The following CYP26B1 variants were observed in gnomAD, a reference collection of about 807,000 sequenced individuals.
CYP26B1 encodes the protein cytochrome P450 family 26 subfamily B member 1.
A neutral mutation model predicts 39.1 loss-of-function variants in CYP26B1; 8 were observed. The observed-to-expected ratio is 0.20, with a 90% CI of 0.12 to 0.37. The LOEUF (loss-of-function observed/expected upper bound fraction) is 0.37, where lower values mean the gene tolerates loss of function less well. Among genes scored for constraint, CYP26B1 ranks in the 10% least tolerant of loss-of-function variants. The pLI is 1.00. For synonymous variants in CYP26B1, 321 were observed against 314.3 expected, an observed-to-expected ratio of 1.02 and a Z score of -0.23; for missense variants, 615 against 707.0, an observed-to-expected ratio of 0.87 and a Z score of 1.48.
chr2:72,144,433 G>A lies in CYP26B1; in HGVS notation c.205-220C>T, dbSNP rs1307469953. ...AATAATGCAAGGAGGCGGAGGCCCA[G>A]GGGCACCCCCAGGAGGCTGTTTTTT... On this transcript the variant is annotated intron_variant, in intron 1 of 5. Coordinates refer to ENST00000001146, the MANE Select transcript of CYP26B1 (RefSeq NM_019885.4). 2.2e-6 allele frequency: 3 copies of A among 1,354,706 alleles called. No homozygotes were observed. In the East Asian group the frequency reaches 8.1e-5, roughly 37 times the overall value. The allele number at this position is 1,354,706 out of a possible 1,614,324, so 83.9% of individuals were successfully genotyped here.
Position 72,135,258 on chromosome 2 carries a change from C to T in CYP26B1, c.591G>A (p.Leu197=). ...KLTFRMAIRV[L]LGFSIPEEDL... is the part of the protein sequence containing the mutation. ...CCTCCTCAGGGATGCTGAAGCCCAG[C>T]AGCACCCGGATGGCCATGCGGAAGG... The change falls in exon 3 of 6, where the codon CTG becomes CTA. Residue 197 remains leucine, a synonymous_variant. Coordinates refer to ENST00000001146, the MANE Select transcript of CYP26B1 (RefSeq NM_019885.4). The T allele has an allele frequency of 2.5e-6, 4 of 1,614,130 alleles. No individual in the cohort carries two copies. The highest frequency in any genetic ancestry group is 3.4e-6 in the Non-Finnish European group (4 of 1,180,040).
chr2:72,133,243 A>G lies in CYP26B1; in HGVS notation c.926T>C (p.Ile309Thr). Residue 309 changes from isoleucine (I) to threonine (T), a missense_variant, in exon 5 of 6, where the codon ATC becomes ACC. Transcript: ENST00000001146. ...ATTASASTSLIMQLLKHPTVL... is the reference protein window; with the variant it reads ...ATTASASTSLTMQLLKHPTVL... ...AGTGGGGTGCTTCAGCAGCTGCATG[A>G]TGAGTGAGGTGCTGGCGCTGGCCGT... 1 of 1,612,104 alleles carries G rather than the reference A, an allele frequency of 6.2e-7. No homozygotes were observed. The highest frequency in any genetic ancestry group is 8.5e-7 in the Non-Finnish European group (1 of 1,179,728).
In CYP26B1 at chr2:72,147,622, C is replaced by G. The variant is rs1371219669; in HGVS notation, c.204+9G>C. The G allele has an allele frequency of 1.2e-6, 2 of 1,605,756 alleles. No homozygotes were observed. The highest frequency in any genetic ancestry group is 2.7e-5 in the African/African-American group (2 of 74,290). On this transcript the variant is annotated intron_variant, in intron 1 of 5. Transcript: ENST00000001146. This position sits in a 1 kb window ranked among gnomAD's most constrained non-coding sequence, Gnocchi z 6.1. ...ACCCCGGAGTGCAGCGGAGCGAGCG[C>G]GCCCTTACCTGCAGCAGCCAGTGGC...
At chr2:72,137,247 A>G (rs1291027439) in intron 2 of CYP26B1, among the ~76,000 whole-genome samples, 2 of 152,196 alleles carry the variant, frequency 1.3e-5, no homozygotes, top group Non-Finnish European at 2.9e-5. Flanking sequence ...TCTATGATGC[A>G]GTGGGGTGAC....
At chr2:72,143,295 C>G (rs1053791015) in intron 2 of CYP26B1, among the ~76,000 whole-genome samples, 4 of 152,164 alleles carry the variant, frequency 2.6e-5, no homozygotes, top group African/African-American at 7.2e-5. Context: ...GGGCCTGTCC[C>G]GTGCGCGCCT....
intron 1 of CYP26B1, among the ~76,000 whole-genome samples, chr2:72,145,642 T>C (rs1404233856): frequency 6.6e-6 from 1 of 152,200 alleles, no homozygotes; most frequent in African/African-American, 2.4e-5. Context: ...TTTTCCTCTG[T>C]TTTTCTTTTC....
chr2:72,141,735 C>T (rs1676948499), intron 2 of CYP26B1, among the ~76,000 whole-genome samples: 1 of 152,242 alleles, frequency 6.6e-6, no homozygotes, highest in Admixed American at 6.5e-5. Context: ...AACAGTGGCC[C>T]TGAGTGTTCT....
rs140577367 is a variant in CYP26B1, at chr2:72,135,322, G to A, written c.527C>T (p.Pro176Leu). Residue 176 changes from proline (P) to leucine (L), a missense_variant, in exon 3 of 6, where the codon CCC (proline) becomes CTC (leucine). Transcript: ENST00000001146. ...CTCCTGGTACACGTTGATGGCCTCGGGGTGGCTGCTCCAGGCGCGCAGTGT... is the reference window on the plus strand; with the variant it reads ...CTCCTGGTACACGTTGATGGCCTCGAGGTGGCTGCTCCAGGCGCGCAGTGT... ...QDTLRAWSSH[P>L]EAINVYQEAQ... is the part of the protein sequence containing the mutation. 9 of 1,613,904 alleles carry A rather than the reference G, an allele frequency of 5.6e-6. No individual in the cohort carries two copies. In the African/African-American group the frequency reaches 9.3e-5, roughly 17 times the overall value.
At chr2:72,144,343 G>A (rs771836455) in intron 1 of CYP26B1, 130 bp from the exon 2 acceptor site, 12 of 1,458,236 alleles carry the variant, frequency 8.2e-6, no homozygotes, top group African/African-American at 4.3e-5. Flanking sequence ...TCACACAGAC[G>A]AGCACGCAGG....
At chr2:72,144,353 G>A (rs2104096920) in intron 1 of CYP26B1, 140 bp from the exon 2 acceptor site, 3 of 1,448,912 alleles carry the variant, frequency 2.1e-6, no homozygotes, top group Non-Finnish European at 2.7e-6. Context: ...GAGCACGCAG[G>A]TTTTATTTTT....
intron 4 of CYP26B1, among the ~76,000 whole-genome samples, chr2:72,133,544 G>A (rs1447882424): frequency 6.6e-6 from 1 of 152,262 alleles, no homozygotes; most frequent in African/African-American, 2.4e-5. Context: ...ACCGAGGGCA[G>A]AAGCACTGGC....
At position 72,130,252 on chromosome 2, in the gene CYP26B1, T is replaced by A. The variant is rs1676526119; in HGVS notation, c.*1975A>T. The stretch of plus-strand genomic sequence containing the variant: ...TGGGGGGAGGGGGTACAGGTCCGGG[T>A]GCACCATGTAGCTATGTTGCAAGCT... On this transcript the variant is annotated 3_prime_UTR_variant, in exon 6 of 6. Transcript: ENST00000001146. The A allele has an allele frequency of 6.6e-6, 1 of 152,280 alleles. No individual in the cohort carries two copies. The highest frequency in any genetic ancestry group is 6.5e-5 in the Admixed American group (1 of 15,280). The allele number at this position is 152,280 out of a possible 1,614,324, so 9.4% of individuals were successfully genotyped here.
chr2:72,132,995 G>T lies in CYP26B1; in HGVS notation c.1146+28C>A, dbSNP rs763227626. 3 of 1,612,738 alleles carry T rather than the reference G, an allele frequency of 1.9e-6. No individual in the cohort carries two copies. In the Admixed American group the frequency reaches 5.0e-5, roughly 27 times the overall value. ...ATCCCGGTGCCCCTGCTCCCCCATCGCCCCCGGTGCCACGGGCCCAGCCTC... is the reference window on the plus strand; with the variant it reads ...ATCCCGGTGCCCCTGCTCCCCCATCTCCCCCGGTGCCACGGGCCCAGCCTC... On this transcript the variant is annotated intron_variant, in intron 5 of 5. Coordinates refer to ENST00000001146, the MANE Select transcript of CYP26B1 (RefSeq NM_019885.4).
rs115569454 is a variant in CYP26B1, at chr2:72,138,917, A to G, written c.430-3498T>C. Among the ~76,000 whole-genome samples the G allele has an allele frequency of 9.4e-3, 1,425 of 152,270 alleles. 16 individuals are homozygous for G. The highest frequency in any genetic ancestry group is 0.033 in the African/African-American group (1,364 of 41,576). On this transcript the variant is annotated intron_variant, in intron 2 of 5. Transcript: ENST00000001146. ...CCGCCAGGGGCTCGTGAAGGCTCAG[A>G]TTCCCTATCATTGTTTCTACAAAAG...
Position 72,132,313 on chromosome 2 carries a change from C to T in CYP26B1, c.1453G>A (p.Gly485Ser). Residue 485 changes from glycine (G) to serine (S), a missense_variant, in exon 6 of 6, where the codon GGC becomes AGC. Physicochemically the swap from Gly to Ser is moderately conservative, Grantham distance 56. Coordinates refer to ENST00000001146, the MANE Select transcript of CYP26B1 (RefSeq NM_019885.4). ...TLVPVLHPVDGLSVKFFGLDS... is the reference protein window; with the variant it reads ...TLVPVLHPVDSLSVKFFGLDS... Reference sequence around the variant, plus strand: ...AGGCCAAAGAACTTGACGCTGAGGCCATCCACGGGGTGCAGGACGGGGACC... The same window carrying T: ...AGGCCAAAGAACTTGACGCTGAGGCTATCCACGGGGTGCAGGACGGGGACC... 3.1e-6 allele frequency: 5 copies of T among 1,608,672 alleles called. No individual in the cohort carries two copies. The South Asian group carries it at 3.3e-5, about 11-fold the overall frequency.
rs1676562880 is a variant in CYP26B1 at position 72,131,209 on chromosome 2, A to C, written c.*1018T>G. 1 of 152,516 alleles carries C rather than the reference A, an allele frequency of 6.6e-6. No individual in the cohort carries two copies. The highest frequency in any genetic ancestry group is 1.5e-5 in the Non-Finnish European group (1 of 68,046). The allele number at this position is 152,516 out of a possible 1,614,324, so 9.4% of individuals were successfully genotyped here. A position where few individuals can be genotyped will look rare whatever the true frequency, so the allele number is the denominator to read the frequency against. On this transcript the variant is annotated 3_prime_UTR_variant, in exon 6 of 6. Coordinates refer to ENST00000001146, the MANE Select transcript of CYP26B1 (RefSeq NM_019885.4). ...GGGAGGAGGCAATGGGCCACATTCC[A>C]TCTCCACCAGGGATAAGGCAGAGGC...
intron 2 of CYP26B1, among the ~76,000 whole-genome samples, chr2:72,140,761 G>A (rs952454883): frequency 2.0e-4 from 31 of 152,320 alleles, no homozygotes; most frequent in African/African-American, 7.5e-4. Flanking sequence ...GGACAGGCAG[G>A]GTTTCTTGAC....
In CYP26B1 at chr2:72,133,327, G is replaced by A; in HGVS notation, c.862-20C>T. 1.3e-6 allele frequency: 2 copies of A among 1,595,954 alleles called. No homozygotes were observed. Among genetic ancestry groups the A allele is most frequent in the Non-Finnish European group, 1.7e-6 (2 of 1,178,214 alleles). On this transcript the variant is annotated intron_variant, in intron 4 of 5. Transcript: ENST00000001146. ...CCCGTCCTGCAGGGCACAGAGGAGA[G>A]GTGTTGTTGGAGGTGTGGGTTCAGC... is the stretch of plus-strand genomic sequence containing the variant.
Position 72,135,538 on chromosome 2 carries a change from A to G in CYP26B1, c.430-119T>C, listed in dbSNP as rs1572924505. ...GAACTTCAGCTTCCACACAACAGCA[A>G]AGCCTTGGGAGCTGGGCAGGCCAGC... On this transcript the variant is annotated intron_variant, in intron 2 of 5. Coordinates refer to ENST00000001146, the MANE Select transcript of CYP26B1 (RefSeq NM_019885.4). The G allele has an allele frequency of 2.8e-6, 4 of 1,441,658 alleles. No individual in the cohort carries two copies. In the East Asian group the frequency reaches 9.3e-5, roughly 33 times the overall value. The allele number at this position is 1,441,658 out of a possible 1,614,324, so 89.3% of individuals were successfully genotyped here. A position where few individuals can be genotyped will look rare whatever the true frequency, so the allele number is the denominator to read the frequency against.
Sources: gnomAD v4.1 joint callset for allele counts (sites outside exome capture counted in the v4.1 genomes callset) on GRCh38, gnomAD v4.1.1 for gene constraint, Gnocchi (gnomAD v3.1) non-coding constraint, MANE v1.5 for transcripts, NCBI Gene and HGNC (gene_info 2026-07-23, HGNC 2026-07-21) for gene names.